NFIB: variants seen among roughly 807,000 people sequenced by gnomAD.
NFIB encodes the protein nuclear factor I B.
A neutral mutation model predicts 61.5 loss-of-function variants in NFIB; 11 were observed. That is an observed-to-expected ratio of 0.18 (90% CI 0.11 to 0.30). NFIB has a LOEUF of 0.30. Ranked by LOEUF, NFIB falls within the 10% of genes least tolerant of loss-of-function variation. NFIB has a pLI of 1.00. For synonymous variants in NFIB, 260 were observed against 216.5 expected, an observed-to-expected ratio of 1.20 and a Z score of -1.76; for missense variants, 471 against 608.9, an observed-to-expected ratio of 0.77 and a Z score of 2.38.
In NFIB at chr9:14,342,575, A is replaced by G. The variant is rs2060965065; in HGVS notation, c.109-35055T>C. ...TTATTGAACCCAGGCTGCATGCCAG[A>G]CATTACTTTTGGCTTTTTCATATAT... On this transcript the variant is annotated intron_variant, in intron 1 of 8. Coordinates refer to the NFIB transcript ENST00000380934. Among the ~76,000 whole-genome samples, 3 of 152,184 alleles carry G rather than the reference A, an allele frequency of 2.0e-5. No homozygotes were observed. In the South Asian group the frequency reaches 6.2e-4, roughly 32 times the overall value.
Position 14,216,536 on chromosome 9 carries a change from CTCTCTCCCTCTGTGTGTGTGTGTG to C in NFIB, c.563-36780_563-36757del, listed in dbSNP as rs768049301. The stretch of plus-strand genomic sequence containing the variant: ...TCTCTCTCTCTCTCTCTCTCTCTCT[CTCTCTCCCTCTGTGTGTGTGTGTG>C]TGTGTGTGTGTGTGTGTGTGTGTGT... On this transcript the variant is annotated intron_variant, in intron 2 of 10. Coordinates refer to ENST00000380953, the MANE Select transcript of NFIB (RefSeq NM_001190737.2). 4.3e-3 allele frequency among the ~76,000 whole-genome samples: 136 copies of C among 31,632 alleles called. 1 individual carries two copies. Among genetic ancestry groups the C allele is most frequent in the African/African-American group, 0.015 (108 of 7,002 alleles). 20.8% of individuals were successfully genotyped at this position (31,632 alleles called of 152,430 possible).
At chr9:14,335,236 CTGTT>C in intron 1 of NFIB, among the ~76,000 whole-genome samples, 1 of 152,238 alleles carries the variant, frequency 6.6e-6, no homozygotes, top group South Asian at 2.1e-4. Context: ...TGGCAGGTGT[CTGTT>C]TAACTTTTTA....
chr9:14,275,942 G>GAA (rs527759131), intron 2 of NFIB, among the ~76,000 whole-genome samples: 1 of 140,910 alleles, frequency 7.1e-6, no homozygotes, highest in Non-Finnish European at 1.6e-5. Flanking sequence ...AACTAGGAAG[G>GAA]AAAAAAAAAA....
intron 1 of NFIB, among the ~76,000 whole-genome samples, chr9:14,395,618 C>T (rs2061675391): frequency 6.6e-6 from 1 of 152,064 alleles, no homozygotes; most frequent in African/African-American, 2.4e-5. Flanking sequence ...TCTTCCACCA[C>T]CCTACAGTTC....
chr9:14,388,343 A>C (rs2061575459), intron 1 of NFIB, among the ~76,000 whole-genome samples: 1 of 150,230 alleles, frequency 6.7e-6, no homozygotes, highest in Non-Finnish European at 1.5e-5. Context: ...CCACAGAATG[A>C]GACCTTTTCA....
At chr9:14,457,052 T>C in the NFIB span, among the ~76,000 whole-genome samples, 1 of 152,134 alleles carries the variant, frequency 6.6e-6, no homozygotes, top group Non-Finnish European at 1.5e-5. Context: ...GACATTCAAA[T>C]AAAATTGTCA....
At chr9:14,341,733 G>C (rs2060952742) in intron 1 of NFIB, among the ~76,000 whole-genome samples, 4 of 152,156 alleles carry the variant, frequency 2.6e-5, no homozygotes, top group Admixed American at 2.6e-4. Context: ...AATTGAAGCT[G>C]GGGGCTCATC....
intron 8 of NFIB, among the ~76,000 whole-genome samples, chr9:14,119,878 A>G (rs2038701932): frequency 6.6e-6 from 1 of 152,090 alleles, no homozygotes; most frequent in Non-Finnish European, 1.5e-5. Context: ...CCCCAAAACC[A>G]CTGCACAATG....
rs181992081 is a variant in NFIB, at chr9:14,161,339, C to T, written c.617-5446G>A. Among the ~76,000 whole-genome samples the T allele has an allele frequency of 1.4e-3, 215 of 152,118 alleles. 1 individual carries two copies. The highest frequency in any genetic ancestry group is 5.1e-3 in the African/African-American group (210 of 41,510). On this transcript the variant is annotated intron_variant, in intron 3 of 10. Transcript: ENST00000380953. The stretch of plus-strand genomic sequence containing the variant: ...TCAGCCTATAGCCCAGGTTAACATT[C>T]AAATATTAATTTAGAATTAAGTGTA...
chr9:14,138,343 T>C (rs7024088), intron 6 of NFIB, among the ~76,000 whole-genome samples: 47,571 of 151,846 alleles, frequency 0.31, 9,202 homozygotes, highest in African/African-American at 0.54. Flanking sequence ...CTTCAATAAA[T>C]AAATAACACA....
chr9:14,249,637 T>G (rs970421033), intron 2 of NFIB, among the ~76,000 whole-genome samples: 1 of 151,636 alleles, frequency 6.6e-6, no homozygotes, highest in Non-Finnish European at 1.5e-5. Context: ...TAGTAGATAC[T>G]TAGCAAGTAC....
intron 2 of NFIB, among the ~76,000 whole-genome samples, chr9:14,216,488 T>C (rs896550855): frequency 3.1e-5 from 4 of 127,706 alleles, no homozygotes; most frequent in Non-Finnish European, 6.5e-5. Flanking sequence ...AGGTTCTCCA[T>C]TCTTTCTCTC....
At chr9:14,167,534 A>T (rs2045012674) in intron 3 of NFIB, among the ~76,000 whole-genome samples, 1 of 152,174 alleles carries the variant, frequency 6.6e-6, no homozygotes. Context: ...TGCTGTCTCA[A>T]CAAAACAAAA....
In NFIB at chr9:14,097,060, G is replaced by A. The variant is rs146389080; in HGVS notation, c.1468-8734C>T. ...AAAAGCCAGACCACAGATGTTGTGC[G>A]TCCGTGAAAACCATATCAAGATCAT... On this transcript the variant is annotated intron_variant, in intron 10 of 10. Coordinates refer to ENST00000380953, the MANE Select transcript of NFIB (RefSeq NM_001190737.2). Among the ~76,000 whole-genome samples, 1,176 of 152,238 alleles carry A rather than the reference G, an allele frequency of 7.7e-3. 4 individuals carry two copies. The highest frequency in any genetic ancestry group is 0.013 in the Non-Finnish European group (896 of 68,014).
chr9:14,399,441 T>A (rs1252447020), upstream of NFIB, among the ~76,000 whole-genome samples: 1 of 152,222 alleles, frequency 6.6e-6, no homozygotes, highest in Non-Finnish European at 1.5e-5. Context: ...TTTTTTGGTA[T>A]AAATGTATTT....
intron 6 of NFIB, among the ~76,000 whole-genome samples, chr9:14,141,268 A>T (rs1333333169): frequency 6.6e-6 from 1 of 152,204 alleles, no homozygotes; most frequent in South Asian, 2.1e-4. Context: ...AGAACTGGAG[A>T]CTTGTATAAA....
At chr9:14,438,978 GT>G in the NFIB span, among the ~76,000 whole-genome samples, 2 of 152,148 alleles carry the variant, frequency 1.3e-5, no homozygotes, top group African/African-American at 4.8e-5. Flanking sequence ...AGATTCTGAG[GT>G]TTTAAGAAAG....
intron 2 of NFIB, among the ~76,000 whole-genome samples, chr9:14,231,494 C>G (rs1479350188): frequency 6.6e-6 from 1 of 151,948 alleles, no homozygotes; most frequent in Non-Finnish European, 1.5e-5. Context: ...ATCCCGGGTA[C>G]CAGATCTTTT....
intron 2 of NFIB, among the ~76,000 whole-genome samples, chr9:14,209,294 T>C (rs76000345): frequency 0.027 from 4,154 of 152,322 alleles, 182 homozygotes; most frequent in African/African-American, 0.094. Flanking sequence ...CTGGTAACTT[T>C]AGGATTTGGA....
Sources: allele counts gnomAD v4.1 joint callset (sites outside exome capture counted in the v4.1 genomes callset), GRCh38; gene constraint gnomAD v4.1.1; transcripts MANE v1.5; gene names NCBI Gene and HGNC (gene_info 2026-07-23, HGNC 2026-07-21).